Variants in GABBR2 observed in about 807,000 individuals in gnomAD.
The protein encoded by GABBR2 is gamma-aminobutyric acid type B receptor subunit 2.
A neutral mutation model predicts 105.6 loss-of-function variants in GABBR2; 23 were observed. The observed-to-expected ratio is 0.22, with a 90% CI of 0.16 to 0.31. GABBR2 has a LOEUF of 0.31. Among genes scored for constraint, GABBR2 ranks in the 10% least tolerant of loss-of-function variants. GABBR2 has a pLI of 1.00. For missense variants in GABBR2, 734 were observed against 1,245.5 expected, an observed-to-expected ratio of 0.59 and a Z score of 6.18; for synonymous variants, 478 against 499.7, an observed-to-expected ratio of 0.96 and a Z score of 0.58.
At chr9:98,478,087 C>T (rs1010153392) in intron 5 of GABBR2, among the ~76,000 whole-genome samples, 1 of 152,212 alleles carries the variant, frequency 6.6e-6, no homozygotes, top group Non-Finnish European at 1.5e-5. Context: ...TGTGCTGATG[C>T]CAAAATGAAC....
chr9:98,326,793 G>A (rs1430696634), intron 13 of GABBR2, among the ~76,000 whole-genome samples: 1 of 152,206 alleles, frequency 6.6e-6, no homozygotes, highest in Non-Finnish European at 1.5e-5. Context: ...ATGTCATCAC[G>A]AGTCAGGTAC....
intron 1 of GABBR2, among the ~76,000 whole-genome samples, chr9:98,619,896 C>A (rs182245922): frequency 6.2e-4 from 94 of 152,300 alleles, no homozygotes; most frequent in African/African-American, 2.2e-3. Context: ...CTGAGCTTCC[C>A]AAGCTTCACG....
chr9:98,476,991 T>C (rs1183871305), intron 5 of GABBR2, among the ~76,000 whole-genome samples: 1 of 152,180 alleles, frequency 6.6e-6, no homozygotes, highest in Non-Finnish European at 1.5e-5. Flanking sequence ...TGGAAATGCC[T>C]CCAGGACTCC....
chr9:98,689,108 G>A (rs997379765), intron 1 of GABBR2, among the ~76,000 whole-genome samples: 1 of 151,888 alleles, frequency 6.6e-6, no homozygotes, highest in Non-Finnish European at 1.5e-5. Flanking sequence ...TCCTTCTCTG[G>A]GCCTCAGTTT....
At chr9:98,577,058 GGA>G (rs1828923268) in intron 2 of GABBR2, among the ~76,000 whole-genome samples, 1 of 134,464 alleles carries the variant, frequency 7.4e-6, no homozygotes, top group African/African-American at 3.0e-5. Context: ...ATGGATGGAT[GGA>G]CAGATGGATG....
Position 98,541,993 on chromosome 9 carries a change from A to C in GABBR2, c.510T>G (p.Pro170=). The C allele has an allele frequency of 6.2e-7, 1 of 1,614,206 alleles. No individual in the cohort carries two copies. Among genetic ancestry groups the C allele is most frequent in the African/African-American group, 1.3e-5 (1 of 75,064 alleles). Residue 170 remains proline, a synonymous_variant, in exon 3 of 19, where the codon CCT becomes CCG. Transcript: ENST00000259455. ...TPVLADKKKY[P]YFFRTVPSDN... ...CTGATGGGACGGTCCGAAAGAAATA[A>C]GGGTATTTTTTCTTATCGGCTAGAA...
At chr9:98,338,384 C>T (rs1216812735) in intron 13 of GABBR2, among the ~76,000 whole-genome samples, 2 of 151,990 alleles carry the variant, frequency 1.3e-5, no homozygotes, top group Non-Finnish European at 2.9e-5. Flanking sequence ...CTGACAAAGG[C>T]CTAGTATCTA....
intron 1 of GABBR2, among the ~76,000 whole-genome samples, chr9:98,685,766 T>C (rs1241801072): frequency 1.3e-5 from 2 of 152,152 alleles, no homozygotes; most frequent in African/African-American, 4.8e-5. Context: ...CATCATAGCT[T>C]ACTGTACTCT....
Position 98,496,596 on chromosome 9 carries a change from C to T in GABBR2, c.631-82G>A. 3.3e-6 allele frequency: 3 copies of T among 912,766 alleles called. No homozygotes were observed. The South Asian group carries it at 4.0e-5, about 12-fold the overall frequency. The allele number at this position is 912,766 out of a possible 1,614,324, so 56.5% of individuals were successfully genotyped here. On this transcript the variant is annotated intron_variant, in intron 3 of 18. Coordinates refer to ENST00000259455, the MANE Select transcript of GABBR2 (RefSeq NM_005458.8). ...TTCCGAGGGGTCACCCTGGGGAAGT[C>T]AATTGGGCAAAGCGATTTTCTCTAC... is the stretch of plus-strand genomic sequence containing the variant.
intron 2 of GABBR2, among the ~76,000 whole-genome samples, chr9:98,550,704 A>G (rs993035016): frequency 1.3e-5 from 2 of 152,182 alleles, no homozygotes; most frequent in Admixed American, 6.5e-5. Flanking sequence ...TCCTTCTTGC[A>G]TCTGTAGAAC....
intron 2 of GABBR2, among the ~76,000 whole-genome samples, chr9:98,549,750 C>T (rs1050542688): frequency 3.3e-5 from 5 of 152,174 alleles, no homozygotes; most frequent in African/African-American, 9.7e-5. Flanking sequence ...GAGCAGTTGC[C>T]CAGGGAGTCT....
At chr9:98,691,008 G>A (rs557910065) in intron 1 of GABBR2, among the ~76,000 whole-genome samples, 1 of 152,332 alleles carries the variant, frequency 6.6e-6, no homozygotes, top group African/African-American at 2.4e-5. Flanking sequence ...CATCAAGAAA[G>A]CCATTAAGAG....
intron 9 of GABBR2, among the ~76,000 whole-genome samples, chr9:98,393,782 C>G (rs1832237641): frequency 6.6e-6 from 1 of 152,166 alleles, no homozygotes; most frequent in Non-Finnish European, 1.5e-5. Flanking sequence ...GTTATAGAAG[C>G]TGAAGAGGAG....
At chr9:98,332,991 G>T (rs1275270222) in intron 13 of GABBR2, among the ~76,000 whole-genome samples, 4 of 152,188 alleles carry the variant, frequency 2.6e-5, no homozygotes, top group Non-Finnish European at 5.9e-5. Context: ...CTGGGAGTCA[G>T]ATTTGATTCC....
chr9:98,572,092 C>T (rs914756575), intron 2 of GABBR2, among the ~76,000 whole-genome samples: 1 of 152,192 alleles, frequency 6.6e-6, no homozygotes, highest in Non-Finnish European at 1.5e-5. Context: ...GAGCCCTGCA[C>T]CCTGAGCAGG....
intron 1 of GABBR2, among the ~76,000 whole-genome samples, chr9:98,700,222 T>A (rs1830812794): frequency 2.0e-5 from 3 of 152,128 alleles, no homozygotes; most frequent in Non-Finnish European, 2.9e-5. Flanking sequence ...GTGTAGTAAG[T>A]AGTAGGGCAT....
intron 1 of GABBR2, among the ~76,000 whole-genome samples, chr9:98,636,524 C>T (rs1829879524): frequency 1.8e-5 from 2 of 112,806 alleles, no homozygotes; most frequent in African/African-American, 6.7e-5. Flanking sequence ...GATGGAGTCT[C>T]ACTCTGTCAC....
chr9:98,368,757 A>T (rs1831726607), intron 12 of GABBR2, among the ~76,000 whole-genome samples: 1 of 152,338 alleles, frequency 6.6e-6, no homozygotes, highest in East Asian at 1.9e-4. Context: ...ATCCTGGTTC[A>T]AGAGCAGAAC....
chr9:98,413,292 T>G (rs1832621877), intron 7 of GABBR2, among the ~76,000 whole-genome samples: 1 of 152,120 alleles, frequency 6.6e-6, no homozygotes, highest in South Asian at 2.1e-4. Flanking sequence ...GGGGTTAAAT[T>G]GCTTGTCAGG....
Sources: allele counts gnomAD v4.1 joint callset (sites outside exome capture counted in the v4.1 genomes callset), GRCh38; gene constraint gnomAD v4.1.1; transcripts MANE v1.5; gene names NCBI Gene and HGNC (gene_info 2026-07-23, HGNC 2026-07-21).